The following FAM163B variants were observed in gnomAD, a reference collection of about 807,000 sequenced individuals.
FAM163B encodes the protein family with sequence similarity 163 member B, also known as protein FAM163B.
Under a neutral mutation model 7.6 loss-of-function variants are expected in FAM163B, and 4 were observed. The ratio of observed to expected loss-of-function variants is 0.52; its 90% CI spans 0.26 to 1.20. The LOEUF (loss-of-function observed/expected upper bound fraction) is 1.20. Among genes scored for constraint, FAM163B ranks in the 50% most tolerant of loss-of-function variants. The pLI is 0.14. For synonymous variants in FAM163B, 120 were observed against 111.6 expected (o/e 1.07, Z -0.47); for missense variants, 250 against 243.0 (o/e 1.03, Z -0.19).
intron 1 of FAM163B, among the ~76,000 whole-genome samples, chr9:133,583,038 G>A (rs1831379760): frequency 6.6e-6 from 1 of 152,222 alleles, no homozygotes; most frequent in Non-Finnish European, 1.5e-5. Flanking sequence ...CACCTGGAGG[G>A]CATTTTTGCT....
chr9:133,585,611 C>A (rs2131226085), intron 1 of FAM163B, among the ~76,000 whole-genome samples: 1 of 152,376 alleles, frequency 6.6e-6, no homozygotes, highest in Admixed American at 6.5e-5. Context: ...TCGGCACTGG[C>A]CGTGCCCTCT....
intron 1 of FAM163B, among the ~76,000 whole-genome samples, chr9:133,607,815 G>C (rs1019633003): frequency 9.2e-5 from 14 of 152,294 alleles, no homozygotes; most frequent in Non-Finnish European, 1.9e-4. Flanking sequence ...CGAGCCTTAG[G>C]GTGAGATTTT....
rs543637745 is a variant in FAM163B at position 133,593,151 on chromosome 9, C to A, written c.-23-12905G>T. Among the ~76,000 whole-genome samples the A allele has an allele frequency of 9.2e-5, 14 of 152,302 alleles. 1 individual carries two copies. The South Asian group carries it at 2.9e-3, about 32-fold the overall frequency. ...GCTGGGACCTGATGAAGGTTTCCCC[C>A]CCTGTATCGCTGTGCCCATTCTGCA... On this transcript the variant is annotated intron_variant, in intron 1 of 2. Coordinates refer to ENST00000673969, the MANE Select transcript of FAM163B (RefSeq NM_001080515.3).
chr9:133,608,907 T>C (rs988810842), intron 1 of FAM163B, among the ~76,000 whole-genome samples, 170 bp downstream of exon 1: 20 of 152,158 alleles, frequency 1.3e-4, no homozygotes, highest in Non-Finnish European at 2.5e-4. Context: ...GGATGCGCTT[T>C]GAGGGTGGAA....
intron 1 of FAM163B, among the ~76,000 whole-genome samples, chr9:133,598,991 G>A (rs1225509834): frequency 2.0e-5 from 3 of 152,108 alleles, no homozygotes; most frequent in Admixed American, 2.0e-4. Context: ...GCCCCTGCTG[G>A]ATGCAGGCAG....
chr9:133,608,265 C>T (rs1170604950), intron 1 of FAM163B, among the ~76,000 whole-genome samples: 4 of 152,304 alleles, frequency 2.6e-5, no homozygotes, highest in Non-Finnish European at 5.9e-5. Flanking sequence ...TCAGAGCCAT[C>T]GGGGTTGCTA....
chr9:133,588,611 G>T (rs1484873507), intron 1 of FAM163B, among the ~76,000 whole-genome samples: 1 of 120,978 alleles, frequency 8.3e-6, no homozygotes, highest in Non-Finnish European at 1.8e-5. Flanking sequence ...GATCTAGGAT[G>T]CTGAAGGATC....
intron 1 of FAM163B, among the ~76,000 whole-genome samples, chr9:133,597,954 C>T (rs1056328132): frequency 6.6e-6 from 1 of 152,216 alleles, no homozygotes; most frequent in Non-Finnish European, 1.5e-5. Flanking sequence ...CTCTTCTAGA[C>T]TTGTCCAGGG....
chr9:133,591,072 CT>C, intron 1 of FAM163B, among the ~76,000 whole-genome samples: 1 of 152,314 alleles, frequency 6.6e-6, no homozygotes, highest in Non-Finnish European at 1.5e-5. Context: ...GCATCCTGGT[CT>C]GTCTTCCAAG....
intron 1 of FAM163B, among the ~76,000 whole-genome samples, chr9:133,605,376 C>A (rs1285701921): frequency 6.6e-6 from 1 of 152,198 alleles, no homozygotes; most frequent in African/African-American, 2.4e-5. Context: ...ACACTGCCAC[C>A]CTCAGTAGCC....
At chr9:133,580,631 A>G (rs1246361832) in intron 1 of FAM163B, among the ~76,000 whole-genome samples, 5 of 152,212 alleles carry the variant, frequency 3.3e-5, no homozygotes, top group African/African-American at 7.2e-5. Flanking sequence ...CAGGCCGAAC[A>G]TATGGTTTTG....
chr9:133,585,214 C>T (rs942780580), intron 1 of FAM163B, among the ~76,000 whole-genome samples: 3 of 152,224 alleles, frequency 2.0e-5, no homozygotes, highest in South Asian at 2.1e-4. Context: ...GAATGAATGG[C>T]GTGGAGCTGG....
At position 133,601,591 on chromosome 9, in the gene FAM163B, C is replaced by G. The variant is rs998611441; in HGVS notation, c.-24+7486G>C. ...ACATGGGTCAGACGCAGCTACCCCC[C>G]GGACTGCTCCTACACGCTGGCTTGC... On this transcript the variant is annotated intron_variant, in intron 1 of 2. Transcript: ENST00000673969. The surrounding 1 kb of genome is among the most constrained non-coding windows in gnomAD (Gnocchi z 4.1). 6.6e-6 allele frequency among the ~76,000 whole-genome samples: 1 copy of G among 152,174 alleles called. No homozygotes were observed. The highest frequency in any genetic ancestry group is 2.4e-5 in the African/African-American group (1 of 41,432).
At chr9:133,592,117 G>T (rs1013236057) in intron 1 of FAM163B, among the ~76,000 whole-genome samples, 2 of 152,152 alleles carry the variant, frequency 1.3e-5, no homozygotes, top group African/African-American at 4.8e-5. Context: ...CTCGTGTCCA[G>T]CTCCACGAGG....
rs1227766643 is a variant in FAM163B at position 133,600,937 on chromosome 9, C to T, written c.-24+8140G>A. Reference sequence around the variant, plus strand: ...AGGGGGTAGGGGGGGAGCTTCATTGCCTCGAGTTCCTGGCTGAACTCCAGA... The same window carrying T: ...AGGGGGTAGGGGGGGAGCTTCATTGTCTCGAGTTCCTGGCTGAACTCCAGA... On this transcript the variant is annotated intron_variant, in intron 1 of 2. Transcript: ENST00000673969. The surrounding 1 kb of genome is among the most constrained non-coding windows in gnomAD (Gnocchi z 4.9). Among the ~76,000 whole-genome samples, 1 of 152,142 alleles carries T rather than the reference C, an allele frequency of 6.6e-6. No homozygotes were observed. The highest frequency in any genetic ancestry group is 1.5e-5 in the Non-Finnish European group (1 of 68,016).
At chr9:133,581,695 G>A (rs1831358935) in intron 1 of FAM163B, among the ~76,000 whole-genome samples, 1 of 152,202 alleles carries the variant, frequency 6.6e-6, no homozygotes, top group African/African-American at 2.4e-5. Flanking sequence ...TCCAGGCACT[G>A]GAGCTGGCCG....
Position 133,578,835 on chromosome 9 carries a change from G to T in FAM163B, c.*187C>A. 1 of 1,134,512 alleles carries T rather than the reference G, an allele frequency of 8.8e-7. No individual in the cohort carries two copies. The highest frequency in any genetic ancestry group is 1.2e-6 in the Non-Finnish European group (1 of 839,420). 70.3% of individuals were successfully genotyped at this position (1,134,512 alleles called of 1,614,324 possible). A position where few individuals can be genotyped will look rare whatever the true frequency, so the allele number is the denominator to read the frequency against. Reference sequence around the variant, plus strand: ...CTGTGCCTCCCCCCAGGACACATTTGTGTTCAATGAGCCTTATCCCTGCCA... The same window carrying T: ...CTGTGCCTCCCCCCAGGACACATTTTTGTTCAATGAGCCTTATCCCTGCCA... On this transcript the variant is annotated 3_prime_UTR_variant, in exon 3 of 3. Coordinates refer to ENST00000673969, the MANE Select transcript of FAM163B (RefSeq NM_001080515.3).
At chr9:133,599,476 CTA>C (rs1201412956) in intron 1 of FAM163B, among the ~76,000 whole-genome samples, 2 of 152,032 alleles carry the variant, frequency 1.3e-5, no homozygotes, top group African/African-American at 4.8e-5. Context: ...GTATCTGTGT[CTA>C]TGTGTGTCAA....
chr9:133,584,260 C>A (rs1831399821), intron 1 of FAM163B, among the ~76,000 whole-genome samples: 1 of 152,186 alleles, frequency 6.6e-6, no homozygotes, highest in Non-Finnish European at 1.5e-5. Context: ...TCCCTGGGGA[C>A]CCCAGGACTC....
Sources: gnomAD v4.1 joint callset for allele counts (sites outside exome capture counted in the v4.1 genomes callset) on GRCh38, gnomAD v4.1.1 for gene constraint, Gnocchi (gnomAD v3.1) non-coding constraint, MANE v1.5 for transcripts, NCBI Gene and HGNC (gene_info 2026-07-23, HGNC 2026-07-21) for gene names.